The following ZNF438 variants were observed in gnomAD, a reference collection of about 807,000 sequenced individuals.
ZNF438 encodes the protein zinc finger protein 438.
A neutral mutation model predicts 38.0 loss-of-function variants in ZNF438; 25 were observed. The ratio of observed to expected loss-of-function variants is 0.66; its 90% CI spans 0.48 to 0.92. The LOEUF is 0.92. Ranked by LOEUF, ZNF438 falls within the 40% of genes least tolerant of loss-of-function variation. The probability of loss-of-function intolerance (pLI) is 0.00; values close to 1 mark genes in which losing one functional copy is unlikely to be tolerated. For synonymous variants in ZNF438, 372 were observed against 364.1 expected, an observed-to-expected ratio of 1.02 and a Z score of -0.25; for missense variants, 1,007 against 999.6, an observed-to-expected ratio of 1.01 and a Z score of -0.10.
At chr10:30,952,557 A>G (rs2048339763) in intron 1 of ZNF438, among the ~76,000 whole-genome samples, 1 of 145,908 alleles carries the variant, frequency 6.9e-6, no homozygotes, top group African/African-American at 2.5e-5. Flanking sequence ...ATTTACAAGA[A>G]AAAAACAAAC....
rs145149078 is a variant in ZNF438, at chr10:30,915,127, ATCAG to A, written c.-114-6116_-114-6113del. Among the ~76,000 whole-genome samples, 629 of 152,208 alleles carry A rather than the reference ATCAG, an allele frequency of 4.1e-3. 11 individuals carry two copies. The highest frequency in any genetic ancestry group is 0.014 in the African/African-American group (576 of 41,550). ...CAGTTTTTAAGCTTAGATTTTTATC[ATCAG>A]TCAGACTCTTTAAAAATAAAAAAGC... On this transcript the variant is annotated intron_variant, in intron 2 of 5. Coordinates refer to ENST00000413025, the Ensembl canonical transcript of ZNF438.
chr10:30,971,747 T>A (rs929197413), intron 1 of ZNF438, among the ~76,000 whole-genome samples: 1 of 152,192 alleles, frequency 6.6e-6, no homozygotes, highest in Non-Finnish European at 1.5e-5. Context: ...ATCTTCTTTA[T>A]GATATTCCTA....
intron 2 of ZNF438, among the ~76,000 whole-genome samples, chr10:30,931,760 C>G (rs1028196440): frequency 6.6e-6 from 1 of 152,170 alleles, no homozygotes; most frequent in African/African-American, 2.4e-5. Context: ...CCTTCTCTAT[C>G]AGAGCTCTCA....
chr10:30,951,320 T>A (rs1463260736), intron 1 of ZNF438, among the ~76,000 whole-genome samples: 1 of 148,744 alleles, frequency 6.7e-6, no homozygotes, highest in East Asian at 2.0e-4. Context: ...CTGGAAGCAT[T>A]CCCTTTGAAA....
At chr10:30,934,719 C>T (rs1320542467) in intron 2 of ZNF438, among the ~76,000 whole-genome samples, 1 of 152,154 alleles carries the variant, frequency 6.6e-6, no homozygotes, top group Non-Finnish European at 1.5e-5. Flanking sequence ...ATCCAATAAG[C>T]CATATCTCTA....
intron 4 of ZNF438, among the ~76,000 whole-genome samples, chr10:30,852,229 A>C (rs1018046931): frequency 7.0e-6 from 1 of 142,310 alleles, no homozygotes; most frequent in Non-Finnish European, 1.5e-5. Context: ...TTTTTTTTTG[A>C]GACGGAGTTT....
chr10:30,979,446 C>T (rs547051911), intron 1 of ZNF438, among the ~76,000 whole-genome samples: 1 of 152,292 alleles, frequency 6.6e-6, no homozygotes, highest in South Asian at 2.1e-4. Flanking sequence ...AAAGAGCCTG[C>T]ATAGCCAAGA....
intron 1 of ZNF438, among the ~76,000 whole-genome samples, chr10:30,960,337 C>G (rs2049327508): frequency 2.0e-5 from 3 of 147,114 alleles, no homozygotes; most frequent in African/African-American, 7.3e-5. Context: ...TCATACCTAA[C>G]AACTCTGCCT....
At chr10:30,853,057 T>C (rs1041675441) in intron 4 of ZNF438, among the ~76,000 whole-genome samples, 2 of 152,244 alleles carry the variant, frequency 1.3e-5, no homozygotes, top group African/African-American at 4.8e-5. Flanking sequence ...CTAAAATTAT[T>C]GATGGCTTTT....
At chr10:30,854,534 G>GA (rs2034279586) in intron 4 of ZNF438, among the ~76,000 whole-genome samples, 1 of 151,712 alleles carries the variant, frequency 6.6e-6, no homozygotes, top group Non-Finnish European at 1.5e-5. Flanking sequence ...AAACAGTGGG[G>GA]AAAAAAAGAA....
intron 2 of ZNF438, among the ~76,000 whole-genome samples, chr10:30,925,727 C>T (rs956504720): frequency 6.6e-6 from 1 of 152,136 alleles, no homozygotes; most frequent in Non-Finnish European, 1.5e-5. Context: ...TCCTCAGAAG[C>T]AGCAGGTAAG....
chr10:30,896,164 C>T (rs557427570), intron 3 of ZNF438, among the ~76,000 whole-genome samples: 6 of 151,968 alleles, frequency 3.9e-5, no homozygotes, highest in Admixed American at 6.6e-5. Flanking sequence ...GGCATAGTGA[C>T]GGGCACCTGT....
chr10:30,958,477 A>G (rs951077260), intron 1 of ZNF438, among the ~76,000 whole-genome samples: 1 of 146,966 alleles, frequency 6.8e-6, no homozygotes, highest in Non-Finnish European at 1.5e-5. Context: ...AAAATATAGG[A>G]GCTTTTATAA....
intron 3 of ZNF438, among the ~76,000 whole-genome samples, chr10:30,884,829 A>C (rs1235052083): frequency 1.3e-5 from 2 of 152,246 alleles, no homozygotes. Context: ...AAGAAATCTA[A>C]GGCAGACACT....
At chr10:30,884,669 G>A (rs1023308417) in intron 3 of ZNF438, among the ~76,000 whole-genome samples, 1 of 152,170 alleles carries the variant, frequency 6.6e-6, no homozygotes, top group Admixed American at 6.5e-5. Context: ...AATACAATGT[G>A]CTTTATAAAC....
At chr10:30,969,507 G>C (rs1433547963) in intron 1 of ZNF438, among the ~76,000 whole-genome samples, 2 of 152,158 alleles carry the variant, frequency 1.3e-5, no homozygotes, top group African/African-American at 2.4e-5. Flanking sequence ...ATTCTAAATT[G>C]CTATAATACT....
chr10:30,848,503 G>A (rs1427038969), intron 5 of ZNF438, 28 bp downstream of exon 6: 3 of 1,581,868 alleles, frequency 1.9e-6, no homozygotes, highest in Admixed American at 3.5e-5. Context: ...AGACTCTCTT[G>A]CCAGGTCTCC....
chr10:30,858,733 C>G (rs1231717340), intron 4 of ZNF438, among the ~76,000 whole-genome samples: 1 of 152,140 alleles, frequency 6.6e-6, no homozygotes, highest in East Asian at 1.9e-4. Context: ...AACTGGAGAT[C>G]TTGTATCCTG....
Position 30,980,182 on chromosome 10 carries a change from C to T in ZNF438, c.-191-38531G>A, listed in dbSNP as rs12415791. 2.3e-3 allele frequency among the ~76,000 whole-genome samples: 347 copies of T among 150,176 alleles called. 9 individuals are homozygous for T. Among genetic ancestry groups the T allele is most frequent in the East Asian group, 0.019 (95 of 5,118 alleles). ...AGGCCTGTTAGAACATGTGAGACAA[C>T]GTTTCATCCTGTGTGTGCTGGGTAG... On this transcript the variant is annotated intron_variant, in intron 1 of 5. Coordinates refer to ENST00000413025, the Ensembl canonical transcript of ZNF438.
Sources: gnomAD v4.1 joint callset for allele counts (sites outside exome capture counted in the v4.1 genomes callset) on GRCh38, gnomAD v4.1.1 for gene constraint, MANE v1.5 for transcripts, NCBI Gene and HGNC (gene_info 2026-07-23, HGNC 2026-07-21) for gene names.